Variants in TAF6L observed in about 807,000 individuals in gnomAD.
The protein encoded by TAF6L is TATA-box binding protein associated factor 6 like.
TAF6L carries 34 observed loss-of-function variants against 57.3 expected under a neutral mutation model. The observed-to-expected ratio is 0.59, with a 90% CI of 0.45 to 0.79. The LOEUF is 0.79. TAF6L is among the 30% of genes least tolerant of loss of function. The pLI is 0.00. For synonymous variants in TAF6L, 417 were observed against 376.3 expected (o/e 1.11, Z -1.25); for missense variants, 782 against 853.2 (o/e 0.92, Z 1.04).
chr11:62,773,931 G>A (rs78577080), intron 1 of TAF6L, among the ~76,000 whole-genome samples: 2,941 of 152,224 alleles, frequency 0.019, 87 homozygotes, highest in African/African-American at 0.065. Context: ...GTGTTCAAAG[G>A]TCCTAAAATA....
At chr11:62,772,293 A>G (rs943434882) in intron 1 of TAF6L, among the ~76,000 whole-genome samples, 8 of 150,364 alleles carry the variant, frequency 5.3e-5, no homozygotes, top group Non-Finnish European at 8.9e-5. Flanking sequence ...AGGCCGAGGC[A>G]CCTGGATTGC....
intron 1 of TAF6L, among the ~76,000 whole-genome samples, chr11:62,774,901 A>T (rs1426670995): frequency 6.7e-6 from 1 of 150,264 alleles, no homozygotes; most frequent in Non-Finnish European, 1.5e-5. Context: ...CAAAAAAAAA[A>T]AAAAAAAAAT....
At chr11:62,772,566 C>T (rs1258925582) in intron 1 of TAF6L, among the ~76,000 whole-genome samples, 2 of 146,402 alleles carry the variant, frequency 1.4e-5, no homozygotes, top group Non-Finnish European at 3.0e-5. Flanking sequence ...CGGTGGCTCT[C>T]ACGCCTGTAA....
In TAF6L at chr11:62,782,765, T is replaced by G. The variant is rs139505440; in HGVS notation, c.900T>G (p.Pro300=). The G allele has an allele frequency of 1.2e-4, 198 of 1,613,300 alleles. No homozygotes were observed. The African/African-American group carries it at 2.5e-3, about 20-fold the overall frequency. ...LLSLQKILAD[P]VRPLCCHYGA... The stretch of plus-strand genomic sequence containing the variant: ...CCCTGCAGAAGATCCTGGCAGATCC[T>G]GTGCGGCCGCTCTGCTGCCACTATG... Residue 300 remains proline (P), a synonymous_variant, in exon 9 of 11, where the codon CCT becomes CCG. Transcript: ENST00000294168.
At position 62,787,176 on chromosome 11, in the gene TAF6L, C is replaced by G. The variant is rs775213364; in HGVS notation, c.1749C>G (p.Pro583=). The G allele has an allele frequency of 7.6e-6, 12 of 1,585,744 alleles. No homozygotes were observed. Among genetic ancestry groups the G allele is most frequent in the Non-Finnish European group, 1.0e-5 (12 of 1,174,946 alleles). ...CRGRLFQTAF[P]APYGPSPASR... is the part of the protein sequence containing the mutation. ...GGCGCCTTTTCCAGACTGCCTTCCCCGCGCCGTACGGGCCTAGCCCGGCCT... is the reference window on the plus strand; with the variant it reads ...GGCGCCTTTTCCAGACTGCCTTCCCGGCGCCGTACGGGCCTAGCCCGGCCT... The change falls in exon 11 of 11, where the codon CCC becomes CCG. Residue 583 remains proline, a synonymous_variant. Coordinates refer to ENST00000294168, the MANE Select transcript of TAF6L (RefSeq NM_006473.4).
chr11:62,781,091 C>A (rs750962985), intron 6 of TAF6L, among the ~76,000 whole-genome samples: 1 of 151,584 alleles, frequency 6.6e-6, no homozygotes, highest in Non-Finnish European at 1.5e-5. Flanking sequence ...CAAAAATTAG[C>A]TGGGCGTGGT....
intron 6 of TAF6L, 27 bp downstream of exon 6, chr11:62,778,990 A>G: frequency 6.3e-7 from 1 of 1,588,038 alleles, no homozygotes; most frequent in Non-Finnish European, 8.6e-7. Context: ...AAGTTGGGGC[A>G]CAAAGTTGAA....
At chr11:62,776,035 C>T in intron 2 of TAF6L, 105 bp downstream of exon 2, 2 of 1,373,670 alleles carry the variant, frequency 1.5e-6, no homozygotes, top group South Asian at 1.5e-5. Context: ...GTGCCTGCTC[C>T]ATACAACAGA....
intron 1 of TAF6L, chr11:62,774,751 C>T (rs935470085): frequency 9.7e-6 from 4 of 414,416 alleles, no homozygotes; most frequent in African/African-American, 2.1e-5. Context: ...CAGCTACTAT[C>T]CAGCCTGGCC....
At position 62,778,970 on chromosome 11, in the gene TAF6L, G is replaced by A. The variant is rs376177697; in HGVS notation, c.531+7G>A. The A allele has an allele frequency of 4.3e-5, 69 of 1,612,500 alleles. No homozygotes were observed. The highest frequency in any genetic ancestry group is 5.3e-5 in the Non-Finnish European group (63 of 1,178,826). On this transcript the variant is annotated splice_region_variant and intron_variant, in intron 6 of 10. Transcript: ENST00000294168. ...TGATCCGCAACTGATGAAGGTGAGC[G>A]AGTGGGCCCAAGTTGGGGCACAAAG... is the stretch of plus-strand genomic sequence containing the variant.
At chr11:62,778,413 C>A in intron 5 of TAF6L, 78 bp downstream of exon 5, 1 of 1,530,142 alleles carries the variant, frequency 6.5e-7, no homozygotes, top group Non-Finnish European at 9.0e-7. Context: ...TATGTGCCCC[C>A]GAGTCTGCGT....
chr11:62,787,259 G>A lies in TAF6L; in HGVS notation c.1832G>A (p.Trp611Ter). The part of the protein sequence containing the change: ...IGRTSRPARR[W>*]ALSDYSLYLP... ...CGTACCAGCCGCCCCGCCCGCCGGT[G>A]GGCGCTCTCGGACTACTCGCTGTAC... Residue 611 changes from tryptophan to a stop codon, truncating the protein, a stop_gained, in exon 11 of 11, where the codon TGG becomes TAG. Transcript: ENST00000294168. LOFTEE classifies it high-confidence loss of function. The A allele has an allele frequency of 1.3e-6, 2 of 1,565,880 alleles. No homozygotes were observed. The highest frequency in any genetic ancestry group is 1.7e-6 in the Non-Finnish European group (2 of 1,164,024).
intron 1 of TAF6L, 157 bp from the exon 2 acceptor site, chr11:62,775,614 T>C (rs1290786066): frequency 1.3e-6 from 1 of 753,040 alleles, no homozygotes; most frequent in East Asian, 2.8e-5. Context: ...GTCTGTTTCC[T>C]TCTCTGAGCC....
rs752707084 is a variant in TAF6L at position 62,786,821 on chromosome 11, C to T, written c.1394C>T (p.Ala465Val). The part of the protein sequence containing the change: ...RFGTGQPAPT[A>V]PRPPGDKKEP... ...GGCACCGGCCAGCCTGCACCCACGG[C>T]TCCGCGGCCGCCCGGGGACAAGAAG... Residue 465 changes from alanine (A) to valine (V), a missense_variant, in exon 11 of 11, where the codon GCT becomes GTT. Coordinates refer to ENST00000294168, the MANE Select transcript of TAF6L (RefSeq NM_006473.4). 72 of 1,605,448 alleles carry T rather than the reference C, an allele frequency of 4.5e-5. No individual in the cohort carries two copies. Among genetic ancestry groups the T allele is most frequent in the Non-Finnish European group, 5.8e-5 (68 of 1,179,038 alleles).
rs952880099 is a variant in TAF6L, at chr11:62,775,871, G to A, written c.88G>A (p.Asp30Asn). The A allele has an allele frequency of 6.2e-6, 10 of 1,613,926 alleles. No individual in the cohort carries two copies. Among genetic ancestry groups the A allele is most frequent in the Non-Finnish European group, 7.6e-6 (9 of 1,180,032 alleles). Residue 30 changes from aspartate to asparagine, a missense_variant, in exon 2 of 11, where the codon GAT becomes AAT. Around this residue, in one of 3 missense-constraint regions of TAF6L, gnomAD observed 220 missense variants for 252.1 expected, o/e 0.87. Coordinates refer to ENST00000294168, the MANE Select transcript of TAF6L (RefSeq NM_006473.4). ...MAESTGLELS[D>N]EVAALLAEDV... ...GGAGAGCACGGGCCTGGAGCTGAGCGATGAGGTGGCGGCGCTGCTCGCAGA... is the reference window on the plus strand; with the variant it reads ...GGAGAGCACGGGCCTGGAGCTGAGCAATGAGGTGGCGGCGCTGCTCGCAGA...
intron 6 of TAF6L, among the ~76,000 whole-genome samples, chr11:62,779,415 T>C (rs1044578535): frequency 1.3e-5 from 2 of 152,064 alleles, no homozygotes; most frequent in African/African-American, 4.8e-5. Context: ...CAGGATGGTC[T>C]TGATCTCCTG....
chr11:62,787,299 C>T lies in TAF6L; in HGVS notation c.*3C>T, dbSNP rs368768049. 315 of 1,536,518 alleles carry T rather than the reference C, an allele frequency of 2.1e-4. 2 individuals carry two copies. The East Asian group carries it at 2.4e-3, about 12-fold the overall frequency. On this transcript the variant is annotated 3_prime_UTR_variant, in exon 11 of 11. Coordinates refer to ENST00000294168, the MANE Select transcript of TAF6L (RefSeq NM_006473.4). Reference sequence around the variant, plus strand: ...ACTCGCTGTACTTGCCGCTCTGAGTCAGTGGCCCCTTCGTTCCTTGTAAAT... The same window carrying T: ...ACTCGCTGTACTTGCCGCTCTGAGTTAGTGGCCCCTTCGTTCCTTGTAAAT...
chr11:62,778,799 G>A lies in TAF6L; in HGVS notation c.437-70G>A, dbSNP rs2084205640. ...GTGTGTGGGGATGGTGGTTGAGGGGGAGGAGGCTGGAGAGGCCAGGAGAGG... is the reference window on the plus strand; with the variant it reads ...GTGTGTGGGGATGGTGGTTGAGGGGAAGGAGGCTGGAGAGGCCAGGAGAGG... On this transcript the variant is annotated intron_variant, in intron 5 of 10. Coordinates refer to ENST00000294168, the MANE Select transcript of TAF6L (RefSeq NM_006473.4). 2.5e-5 allele frequency: 33 copies of A among 1,294,530 alleles called. No individual in the cohort carries two copies. In the South Asian group the frequency reaches 2.7e-4, roughly 11 times the overall value. The allele number at this position is 1,294,530 out of a possible 1,614,324, so 80.2% of individuals were successfully genotyped here.
In TAF6L at chr11:62,786,028, T is replaced by C. The variant is rs372033520; in HGVS notation, c.961-232T>C. The C allele has an allele frequency of 1.9e-4, 89 of 462,514 alleles. 1 individual carries two copies. The highest frequency in any genetic ancestry group is 1.3e-3 in the East Asian group (36 of 28,474). 28.7% of individuals were successfully genotyped at this position (462,514 alleles called of 1,614,324 possible). A position where few individuals can be genotyped will look rare whatever the true frequency, so the allele number is the denominator to read the frequency against. ...TTATTTAGCACACAGGGCAGTGATA[T>C]TGGGTATATTTTTTATTGTCTCCCT... On this transcript the variant is annotated intron_variant, in intron 9 of 10. Transcript: ENST00000294168.
Sources: allele counts gnomAD v4.1 joint callset (sites outside exome capture counted in the v4.1 genomes callset), GRCh38; gene constraint gnomAD v4.1.1; regional missense constraint gnomAD v4.1.1; transcripts MANE v1.5; gene names NCBI Gene and HGNC (gene_info 2026-07-23, HGNC 2026-07-21).